PARP4: variants seen among roughly 807,000 people sequenced by gnomAD.
PARP4 encodes the protein protein mono-ADP-ribosyltransferase PARP4.
In PARP4, 120 loss-of-function variants were observed where a neutral mutation model predicts 187.7. The observed-to-expected ratio is 0.64, with a 90% CI of 0.55 to 0.74. The LOEUF is 0.74. Ranked by LOEUF, PARP4 falls within the 30% of genes least tolerant of loss-of-function variation. The pLI, the probability that PARP4 is intolerant of heterozygous loss-of-function variation, is 0.00. For synonymous variants in PARP4, 654 were observed against 740.9 expected, an observed-to-expected ratio of 0.88 and a Z score of 1.90; for missense variants, 1,836 against 2,070.5, an observed-to-expected ratio of 0.89 and a Z score of 2.20.
intron 11 of PARP4, 75 bp downstream of exon 11, chr13:24,486,093 G>A: frequency 7.3e-7 from 1 of 1,367,088 alleles, no homozygotes; most frequent in East Asian, 2.3e-5. Flanking sequence ...ATAGAAAAAA[G>A]TAGGAAAAAA....
chr13:24,486,082 T>C (rs889142687), intron 11 of PARP4, 86 bp downstream of exon 11: 1 of 1,221,824 alleles, frequency 8.2e-7, no homozygotes. Context: ...ACTCACGTAA[T>C]ATAGAAAAAA....
intron 30 of PARP4, among the ~76,000 whole-genome samples, chr13:24,441,283 C>A (rs1260661432): frequency 6.6e-6 from 1 of 152,146 alleles, no homozygotes; most frequent in Non-Finnish European, 1.5e-5. Context: ...GGATTACAGG[C>A]GTGAACCACG....
At chr13:24,454,887 G>T in intron 22 of PARP4, 130 bp downstream of exon 22, 1 of 667,214 alleles carries the variant, frequency 1.5e-6, no homozygotes, top group Non-Finnish European at 2.4e-6. Flanking sequence ...CAGAGCTCTT[G>T]TTCTTCAATT....
intron 12 of PARP4, among the ~76,000 whole-genome samples, chr13:24,483,476 G>A (rs1395221755): frequency 1.7e-5 from 2 of 118,370 alleles, no homozygotes; most frequent in Non-Finnish European, 3.6e-5. Flanking sequence ...CTGGGCGACA[G>A]AGCGAGACTC....
At chr13:24,511,351 G>A (rs1870010423) in intron 1 of PARP4, among the ~76,000 whole-genome samples, 1 of 152,190 alleles carries the variant, frequency 6.6e-6, no homozygotes, top group South Asian at 2.1e-4. Flanking sequence ...CATCAGCGCT[G>A]ATTACGTACA....
chr13:24,482,598 T>G (rs1371976173), intron 12 of PARP4, among the ~76,000 whole-genome samples: 1 of 152,200 alleles, frequency 6.6e-6, no homozygotes, highest in African/African-American at 2.4e-5. Context: ...ACTGAAGGCT[T>G]AGATGATCGT....
intron 33 of PARP4, among the ~76,000 whole-genome samples, chr13:24,424,370 ATTGCCATTTATTTTTCTC>A (rs201212266): frequency 0.017 from 2,497 of 151,058 alleles, 28 homozygotes; most frequent in Non-Finnish European, 0.026. Flanking sequence ...TTTTTTTTCT[ATTGCCATTTATTTTTCTC>A]TTGCCATTTA....
At chr13:24,482,134 G>A (rs972958017) in intron 12 of PARP4, among the ~76,000 whole-genome samples, 5 of 152,232 alleles carry the variant, frequency 3.3e-5, no homozygotes, top group African/African-American at 7.2e-5. Context: ...AGCAGCAGGA[G>A]AACTAGAATT....
In PARP4 at chr13:24,493,623, C is replaced by A; in HGVS notation, c.852G>T (p.Lys284Asn). The A allele has an allele frequency of 6.2e-7, 1 of 1,613,718 alleles. No individual in the cohort carries two copies. The highest frequency in any genetic ancestry group is 8.5e-7 in the Non-Finnish European group (1 of 1,179,884). The stretch of plus-strand genomic sequence containing the variant: ...CGTTGAGGCTAATCCTGTTCACTGG[C>A]TTGAGAAGCATGTGTTCCAGGTGGC... ...ALGHLEHMLL[K>N]PVNRISLNDV... The change falls in exon 8 of 34, where the codon AAG (lysine) becomes AAT (asparagine). Residue 284 changes from lysine to asparagine, a missense_variant. Lys to Asn is a moderately conservative substitution (Grantham distance 94, BLOSUM62 0). Around this residue, in one of 8 missense-constraint regions of PARP4, gnomAD observed 1,147 missense variants for 1,214.2 expected, o/e 0.94. Transcript: ENST00000381989.
intron 27 of PARP4, among the ~76,000 whole-genome samples, chr13:24,446,342 T>C (rs1871206400): frequency 6.6e-6 from 1 of 152,160 alleles, no homozygotes; most frequent in Non-Finnish European, 1.5e-5. Flanking sequence ...ATATAGTCCA[T>C]CTCCATATTG....
chr13:24,506,387 G>T (rs564490985), intron 1 of PARP4, among the ~76,000 whole-genome samples: 1 of 152,134 alleles, frequency 6.6e-6, no homozygotes, highest in Non-Finnish European at 1.5e-5. Context: ...AGCTTCCACA[G>T]CGTGGAAGAG....
intron 6 of PARP4, 123 bp downstream of exon 6, chr13:24,497,993 T>A (rs577426339): frequency 3.3e-6 from 2 of 614,414 alleles, no homozygotes; most frequent in Non-Finnish European, 5.8e-6. Context: ...GTTGCATTTA[T>A]TAATAGCAGC....
Position 24,455,011 on chromosome 13 carries a change from A to G in PARP4, c.2758+6T>C, listed in dbSNP as rs772140146. 1.3e-6 allele frequency: 2 copies of G among 1,575,290 alleles called. No individual in the cohort carries two copies. The highest frequency in any genetic ancestry group is 4.5e-5 in the East Asian group (2 of 44,030). On this transcript the variant is annotated splice_donor_region_variant and intron_variant, in intron 22 of 33. Transcript: ENST00000381989. ...ACACGCAGGACCAGGGCCAAAGCGC[A>G]CTCACCTGTGCCGAACTGGATAATA...
At chr13:24,508,150 C>A (rs979490211) in intron 1 of PARP4, among the ~76,000 whole-genome samples, 1 of 151,980 alleles carries the variant, frequency 6.6e-6, no homozygotes, top group African/African-American at 2.4e-5. Context: ...TTAATCTATG[C>A]TAGTCGTAAT....
intron 1 of PARP4, among the ~76,000 whole-genome samples, chr13:24,507,396 C>G (rs1269659488): frequency 6.6e-6 from 1 of 152,216 alleles, no homozygotes; most frequent in Admixed American, 6.5e-5. Flanking sequence ...CAATTGAGGA[C>G]ACAGTGCCAC....
intron 15 of PARP4, 32 bp downstream of exon 15, chr13:24,475,440 G>GT: frequency 6.3e-7 from 1 of 1,595,790 alleles, no homozygotes; most frequent in Non-Finnish European, 8.6e-7. Flanking sequence ...CATCCATGTA[G>GT]TTTAAGTGTC....
chr13:24,499,156 C>A, intron 5 of PARP4, 145 bp downstream of exon 5: 1 of 756,604 alleles, frequency 1.3e-6, no homozygotes, highest in Non-Finnish European at 1.9e-6. Flanking sequence ...ATAAAATTAA[C>A]TCATATTTTA....
In PARP4 at chr13:24,475,628, A is replaced by G. The variant is rs752286823; in HGVS notation, c.1790-32T>C. 3 of 1,605,454 alleles carry G rather than the reference A, an allele frequency of 1.9e-6. No individual in the cohort carries two copies. The East Asian group carries it at 6.7e-5, about 36-fold the overall frequency. On this transcript the variant is annotated intron_variant, in intron 14 of 33. Coordinates refer to ENST00000381989, the MANE Select transcript of PARP4 (RefSeq NM_006437.4). ...GTTAAAAATGTTACTATTAGCTTTC[A>G]AAACCATCCCTGTCTATTTTTGTTA... is the stretch of plus-strand genomic sequence containing the variant.
intron 30 of PARP4, among the ~76,000 whole-genome samples, chr13:24,439,771 C>G (rs1279132357): frequency 6.6e-6 from 1 of 152,164 alleles, no homozygotes; most frequent in Non-Finnish European, 1.5e-5. Context: ...AATTGTACAT[C>G]AGAATTTTTT....
Sources: allele counts gnomAD v4.1 joint callset (sites outside exome capture counted in the v4.1 genomes callset), GRCh38; gene constraint gnomAD v4.1.1; regional missense constraint gnomAD v4.1.1; transcripts MANE v1.5; gene names NCBI Gene and HGNC (gene_info 2026-07-23, HGNC 2026-07-21).